The following DNAH12 variants were observed in gnomAD, a reference collection of about 807,000 sequenced individuals.
DNAH12 encodes dynein axonemal heavy chain 12, also known as axonemal beta dynein heavy chain 12.
DNAH12 carries 285 observed loss-of-function variants against 371.5 expected under a neutral mutation model. The ratio of observed to expected loss-of-function variants is 0.77; its 90% CI spans 0.70 to 0.85. The LOEUF is 0.85. Among genes scored for constraint, DNAH12 ranks in the 40% least tolerant of loss-of-function variants. The pLI is 0.00. For missense variants in DNAH12, 3,611 were observed against 3,689.4 expected, an observed-to-expected ratio of 0.98 and a Z score of 0.55; for synonymous variants, 1,200 against 1,213.0, an observed-to-expected ratio of 0.99 and a Z score of 0.22.
rs570230808 is a variant in DNAH12, at chr3:57,487,835, C to CA, written c.1514+1673dup. 2.6e-3 allele frequency among the ~76,000 whole-genome samples: 397 copies of CA among 151,162 alleles called. 4 individuals are homozygous for CA. In the Middle Eastern group the frequency reaches 0.027, roughly 10 times the overall value. ...ATCACAGATACTACAAAAATAAATACAAAAAAATTATGTTAAACATAAACT... is the reference window on the plus strand; with the variant it reads ...ATCACAGATACTACAAAAATAAATACAAAAAAAATTATGTTAAACATAAACT... On this transcript the variant is annotated intron_variant, in intron 12 of 73. Transcript: ENST00000495027.
In DNAH12 at chr3:57,445,403, A is replaced by G. The variant is rs746147269; in HGVS notation, c.4196T>C (p.Val1399Ala). The change falls in exon 28 of 74, where the codon GTG becomes GCG. Residue 1399 changes from valine to alanine, a missense_variant. Transcript: ENST00000495027. ...CGCATAGTTTGGAACCATCATAGCC[A>G]CTGTTCTAAAAAGAACCTGAAGTAT... ...PDNLKVLFRT[V>A]AMMVPNYALI... The G allele has an allele frequency of 6.7e-5, 102 of 1,530,538 alleles. No homozygotes were observed. The highest frequency in any genetic ancestry group is 5.8e-4 in the Admixed American group (26 of 44,566). The allele number at this position is 1,530,538 out of a possible 1,614,324, so 94.8% of individuals were successfully genotyped here. A position where few individuals can be genotyped will look rare whatever the true frequency, so the allele number is the denominator to read the frequency against.
At chr3:57,446,813 G>T in intron 25 of DNAH12, 124 bp from the exon 26 acceptor site, 1 of 1,047,970 alleles carries the variant, frequency 9.5e-7, no homozygotes, top group Non-Finnish European at 1.2e-6. Context: ...TAATTACATT[G>T]TTTAATTTTT....
At chr3:57,387,027 A>AT (rs2063511027) in intron 46 of DNAH12, 59 bp downstream of exon 46, 1 of 152,222 alleles carries the variant, frequency 6.6e-6, no homozygotes, top group African/African-American at 2.4e-5. Context: ...ATGTGAATTA[A>AT]TTTGGAAATG....
At chr3:57,532,653 T>TG (rs1285798949) in intron 2 of DNAH12, among the ~76,000 whole-genome samples, 1 of 152,188 alleles carries the variant, frequency 6.6e-6, no homozygotes, top group East Asian at 1.9e-4. Context: ...CAGAAACTCT[T>TG]GGTTTTTTTC....
intron 43 of DNAH12, among the ~76,000 whole-genome samples, chr3:57,397,322 A>G (rs1017297172): frequency 5.3e-5 from 8 of 152,076 alleles, no homozygotes; most frequent in Non-Finnish European, 1.2e-4. Flanking sequence ...TGTTCCCAAA[A>G]GGGTAAGACA....
intron 29 of DNAH12, among the ~76,000 whole-genome samples, 161 bp from the exon 30 acceptor site, chr3:57,437,221 T>C (rs1039044454): frequency 4.6e-5 from 7 of 152,178 alleles, no homozygotes; most frequent in Admixed American, 2.6e-4. Context: ...AGGAGAAACA[T>C]AGACTCAAAA....
chr3:57,420,442 ATTTT>A (rs1173164993), intron 36 of DNAH12, among the ~76,000 whole-genome samples: 1 of 151,980 alleles, frequency 6.6e-6, no homozygotes, highest in Non-Finnish European at 1.5e-5. Context: ...TCATATTTGT[ATTTT>A]TTTAAGTTTT....
chr3:57,399,265 A>C (rs1445305022), intron 43 of DNAH12, among the ~76,000 whole-genome samples: 1 of 152,162 alleles, frequency 6.6e-6, no homozygotes, highest in Non-Finnish European at 1.5e-5. Context: ...AATGAGGAAA[A>C]AAAGAAGCTA....
chr3:57,309,601 C>G, intron 68 of DNAH12, 65 bp downstream of exon 68: 1 of 1,345,794 alleles, frequency 7.4e-7, no homozygotes. Flanking sequence ...ATGGAGTTTT[C>G]AGATTGTCAT....
intron 5 of DNAH12, among the ~76,000 whole-genome samples, chr3:57,509,570 G>A (rs73080506): frequency 0.26 from 38,719 of 151,838 alleles, 6,373 homozygotes; most frequent in African/African-American, 0.47. Context: ...AAGAGATTAC[G>A]CGACATGGAG....
intron 13 of DNAH12, among the ~76,000 whole-genome samples, chr3:57,473,897 C>A (rs1273539017): frequency 1.3e-5 from 2 of 152,050 alleles, no homozygotes; most frequent in Non-Finnish European, 1.5e-5. Flanking sequence ...TGCAAAAAAG[C>A]ATGTAGTGAA....
chr3:57,382,080 CTG>C (rs1294548140), intron 50 of DNAH12, among the ~76,000 whole-genome samples, 180 bp downstream of exon 50: 6 of 152,134 alleles, frequency 3.9e-5, no homozygotes, highest in Non-Finnish European at 7.3e-5. Flanking sequence ...GTTAGCCAGA[CTG>C]GTCTGGAACC....
chr3:57,311,311 A>T (rs2061579815), intron 66 of DNAH12, among the ~76,000 whole-genome samples: 1 of 152,192 alleles, frequency 6.6e-6, no homozygotes, highest in African/African-American at 2.4e-5. Flanking sequence ...TCCTGACCTC[A>T]GGTGATCCAC....
chr3:57,437,438 A>T (rs187003000), intron 29 of DNAH12, among the ~76,000 whole-genome samples: 1 of 152,224 alleles, frequency 6.6e-6, no homozygotes, highest in Non-Finnish European at 1.5e-5. Flanking sequence ...ATTATAAAAA[A>T]TTTAAACACA....
At position 57,502,480 on chromosome 3, in the gene DNAH12, C is replaced by A. The variant is rs776291765; in HGVS notation, c.1087-1G>T. 1.2e-5 allele frequency: 19 copies of A among 1,613,576 alleles called. No individual in the cohort carries two copies. The highest frequency in any genetic ancestry group is 1.5e-5 in the Non-Finnish European group (18 of 1,179,616). ...GCCAAGAGGGGATTGTTTGGACATT[C>A]TAACACAAATAAAAATAATAACAAT... is the stretch of plus-strand genomic sequence containing the variant. On this transcript the variant is annotated splice_acceptor_variant, in intron 9 of 73. Coordinates refer to ENST00000495027, the MANE Select transcript of DNAH12 (RefSeq NM_001366028.2). LOFTEE classifies it high-confidence loss of function.
At chr3:57,462,967 C>A in intron 17 of DNAH12, 92 bp from the exon 18 acceptor site, 1 of 786,444 alleles carries the variant, frequency 1.3e-6, no homozygotes, top group Non-Finnish European at 2.0e-6. Context: ...ATAAGGGTTA[C>A]ATTTCTTCAA....
intron 58 of DNAH12, among the ~76,000 whole-genome samples, chr3:57,360,817 C>T (rs900178615): frequency 6.6e-6 from 1 of 151,982 alleles, no homozygotes; most frequent in Non-Finnish European, 1.5e-5. Flanking sequence ...TTTAATTACC[C>T]TAAAGTGAAG....
At chr3:57,427,144 G>A (rs1406944189) in intron 34 of DNAH12, among the ~76,000 whole-genome samples, 4 of 150,118 alleles carry the variant, frequency 2.7e-5, no homozygotes, top group African/African-American at 9.9e-5. Context: ...GCGAATGTGT[G>A]TGTGTGTGTG....
At chr3:57,322,521 C>G (rs1313896858) in intron 64 of DNAH12, 38 bp from the exon 65 acceptor site, 1 of 1,531,288 alleles carries the variant, frequency 6.5e-7, no homozygotes, top group South Asian at 1.2e-5. Flanking sequence ...TACAAGATAG[C>G]AAGTGGAGGC....
Sources: gnomAD v4.1 joint callset for allele counts (sites outside exome capture counted in the v4.1 genomes callset) on GRCh38, gnomAD v4.1.1 for gene constraint, MANE v1.5 for transcripts, NCBI Gene and HGNC (gene_info 2026-07-23, HGNC 2026-07-21) for gene names.